The following PPFIA2 variants were observed in gnomAD, a reference collection of about 807,000 sequenced individuals.
PPFIA2 encodes PPFI scaffold protein A2.
Under a neutral mutation model 175.5 loss-of-function variants are expected in PPFIA2, and 46 were observed. The ratio of observed to expected loss-of-function variants is 0.26; its 90% CI spans 0.21 to 0.34. The LOEUF is 0.34. Ranked by LOEUF, PPFIA2 falls within the 10% of genes least tolerant of loss-of-function variation. PPFIA2 has a pLI of 1.00. For synonymous variants in PPFIA2, 568 were observed against 511.4 expected (o/e 1.11, Z -1.49); for missense variants, 1,179 against 1,506.1 (o/e 0.78, Z 3.60).
intron 4 of PPFIA2, among the ~76,000 whole-genome samples, chr12:81,611,186 G>T (rs911085678): frequency 6.6e-6 from 1 of 152,078 alleles, no homozygotes; most frequent in Non-Finnish European, 1.5e-5. Flanking sequence ...CTGTGCCTCG[G>T]TTTCTTTTGG....
chr12:81,484,494 T>C (rs1567017369), intron 4 of PPFIA2, among the ~76,000 whole-genome samples: 2 of 151,990 alleles, frequency 1.3e-5, no homozygotes, highest in Non-Finnish European at 2.9e-5. Context: ...ACAATAATAT[T>C]CAAAATTTTT....
At chr12:81,322,969 T>C (rs775734408) in intron 22 of PPFIA2, among the ~76,000 whole-genome samples, 12 of 152,144 alleles carry the variant, frequency 7.9e-5, no homozygotes, top group Admixed American at 3.9e-4. Flanking sequence ...TTGTAACCTA[T>C]GTGTGTTAAA....
intron 4 of PPFIA2, among the ~76,000 whole-genome samples, chr12:81,527,371 T>C (rs1033110861): frequency 1.3e-4 from 20 of 151,652 alleles, no homozygotes; most frequent in Admixed American, 4.6e-4. Flanking sequence ...GGAGCTCCAT[T>C]TTATGCTTCT....
intron 4 of PPFIA2, among the ~76,000 whole-genome samples, chr12:81,494,120 G>T (rs575250362): frequency 6.6e-6 from 1 of 151,936 alleles, no homozygotes; most frequent in Non-Finnish European, 1.5e-5. Flanking sequence ...AAGAGTTTCT[G>T]CACAGCAAAA....
At chr12:81,346,918 A>T (rs58546610) in intron 18 of PPFIA2, among the ~76,000 whole-genome samples, 1,862 of 150,420 alleles carry the variant, frequency 0.012, 22 homozygotes, top group East Asian at 0.038. Flanking sequence ...TTCAATTTTT[A>T]AAAAAAAATT....
intron 4 of PPFIA2, among the ~76,000 whole-genome samples, chr12:81,674,486 G>T (rs907423339): frequency 6.6e-6 from 1 of 151,884 alleles, no homozygotes; most frequent in Non-Finnish European, 1.5e-5. Context: ...TGACCAACAC[G>T]GTGAAACCCT....
chr12:81,269,767 A>G (rs994091697), intron 28 of PPFIA2, among the ~76,000 whole-genome samples: 2 of 152,208 alleles, frequency 1.3e-5, no homozygotes, highest in African/African-American at 2.4e-5. Flanking sequence ...TATGGAATTT[A>G]TCTACGCTTT....
chr12:81,676,147 T>C (rs1208521562), intron 4 of PPFIA2, among the ~76,000 whole-genome samples: 7 of 152,092 alleles, frequency 4.6e-5, no homozygotes, highest in Admixed American at 4.6e-4. Context: ...ATTGACTATT[T>C]GTTGATATAA....
intron 28 of PPFIA2, among the ~76,000 whole-genome samples, chr12:81,272,213 T>C (rs2039321214): frequency 6.6e-6 from 1 of 152,204 alleles, no homozygotes; most frequent in East Asian, 1.9e-4. Flanking sequence ...TTTCCGCTTT[T>C]ATTTTTAATC....
At chr12:81,716,464 A>C (rs1346527156) in intron 3 of PPFIA2, among the ~76,000 whole-genome samples, 1 of 151,686 alleles carries the variant, frequency 6.6e-6, no homozygotes, top group Non-Finnish European at 1.5e-5. Flanking sequence ...CATTTATTTA[A>C]AATATCAAGT....
intron 3 of PPFIA2, among the ~76,000 whole-genome samples, chr12:81,715,154 A>C (rs1253303252): frequency 1.3e-5 from 2 of 149,036 alleles, no homozygotes; most frequent in East Asian, 4.5e-4. Context: ...ACATACATTC[A>C]AATTTCTCAA....
At chr12:81,588,050 G>A (rs1385989339) in intron 4 of PPFIA2, among the ~76,000 whole-genome samples, 1 of 151,820 alleles carries the variant, frequency 6.6e-6, no homozygotes, top group East Asian at 1.9e-4. Flanking sequence ...CAATCTAGTG[G>A]TGCAGAGAGA....
At chr12:81,661,520 C>T (rs559003980) in intron 4 of PPFIA2, among the ~76,000 whole-genome samples, 3 of 152,226 alleles carry the variant, frequency 2.0e-5, no homozygotes, top group Middle Eastern at 3.4e-3. Context: ...ATATATGCGC[C>T]CAATACAGGA....
At chr12:81,419,370 G>A (rs1241700840) in intron 7 of PPFIA2, among the ~76,000 whole-genome samples, 1 of 151,994 alleles carries the variant, frequency 6.6e-6, no homozygotes, top group East Asian at 1.9e-4. Context: ...GTACTTACAA[G>A]AGAACCTCAC....
intron 21 of PPFIA2, among the ~76,000 whole-genome samples, chr12:81,332,177 T>C (rs1259605558): frequency 1.3e-5 from 2 of 152,040 alleles, no homozygotes; most frequent in African/African-American, 2.4e-5. Context: ...TCATCTTATT[T>C]CTGTGGTTGG....
At chr12:81,368,943 A>T in intron 12 of PPFIA2, 87 bp from the exon 13 acceptor site, 1 of 1,446,934 alleles carries the variant, frequency 6.9e-7, no homozygotes, top group Non-Finnish European at 9.4e-7. Context: ...ATTGAATTTA[A>T]TTTTACATCT....
intron 2 of PPFIA2, among the ~76,000 whole-genome samples, chr12:81,755,675 T>C (rs1429938593): frequency 6.6e-6 from 1 of 152,112 alleles, no homozygotes; most frequent in Non-Finnish European, 1.5e-5. Context: ...AGTAAAGTAT[T>C]TTGTGATTGA....
intron 4 of PPFIA2, among the ~76,000 whole-genome samples, chr12:81,590,295 T>C (rs1460175172): frequency 1.3e-5 from 2 of 152,136 alleles, no homozygotes; most frequent in Non-Finnish European, 2.9e-5. Context: ...TAAGAAGTTA[T>C]ATGGTCCTCC....
chr12:81,642,065 T>A (rs1264530674), intron 4 of PPFIA2, among the ~76,000 whole-genome samples: 1 of 152,150 alleles, frequency 6.6e-6, no homozygotes, highest in African/African-American at 2.4e-5. Flanking sequence ...ATAATGGAGA[T>A]GATTTCAATG....
Sources: gnomAD v4.1 joint callset for allele counts (sites outside exome capture counted in the v4.1 genomes callset) on GRCh38, gnomAD v4.1.1 for gene constraint, MANE v1.5 for transcripts, NCBI Gene and HGNC (gene_info 2026-07-23, HGNC 2026-07-21) for gene names.